Variants in CNTN6 observed in about 807,000 individuals in gnomAD.
CNTN6 encodes the protein contactin 6, also known as contactin-6.
CNTN6 carries 137 observed loss-of-function variants against 122.8 expected under a neutral mutation model. The ratio of observed to expected loss-of-function variants is 1.12; its 90% CI spans 0.97 to 1.29. The LOEUF (loss-of-function observed/expected upper bound fraction) is 1.29, where lower values mean the gene tolerates loss of function less well. CNTN6 is among the 50% of genes most tolerant of loss of function. The pLI is 0.00. For synonymous variants in CNTN6, 570 were observed against 426.0 expected (o/e 1.34, Z -4.16); for missense variants, 1,634 against 1,223.4 (o/e 1.34, Z -5.01).
chr3:1,356,433 G>A (rs1455681571), intron 12 of CNTN6, among the ~76,000 whole-genome samples: 1 of 151,744 alleles, frequency 6.6e-6, no homozygotes, highest in Non-Finnish European at 1.5e-5. Flanking sequence ...GCATTACAGA[G>A]TGGCCTATCC....
intron 1 of CNTN6, among the ~76,000 whole-genome samples, chr3:1,129,807 T>G (rs2092286616): frequency 6.6e-6 from 1 of 152,088 alleles, no homozygotes; most frequent in Non-Finnish European, 1.5e-5. Context: ...TCTATATATT[T>G]ATCAATAGTT....
At chr3:1,156,617 TTCTTTCTTTCTTTC>T (rs1220232097) in intron 2 of CNTN6, among the ~76,000 whole-genome samples, 3 of 151,386 alleles carry the variant, frequency 2.0e-5, no homozygotes, top group Admixed American at 6.6e-5. Flanking sequence ...TCTTTTTCTT[TTCTTTCTTTCTTTC>T]TCTTTCTTTC....
chr3:1,307,853 C>T (rs1310998111), intron 7 of CNTN6, among the ~76,000 whole-genome samples: 2 of 152,112 alleles, frequency 1.3e-5, no homozygotes, highest in Non-Finnish European at 2.9e-5. Context: ...ATTTTCATTA[C>T]ATATCAAGGT....
chr3:1,216,888 C>T (rs761352741), intron 2 of CNTN6, among the ~76,000 whole-genome samples: 4 of 152,170 alleles, frequency 2.6e-5, no homozygotes, highest in Non-Finnish European at 4.4e-5. Flanking sequence ...ATTTCTTGCT[C>T]TCTCTTAAGA....
chr3:1,266,257 C>G (rs1363733704), intron 4 of CNTN6, among the ~76,000 whole-genome samples: 2 of 152,138 alleles, frequency 1.3e-5, no homozygotes, highest in Non-Finnish European at 2.9e-5. Context: ...ACCTAATTCT[C>G]CTTAGTGCTG....
intron 4 of CNTN6, among the ~76,000 whole-genome samples, chr3:1,243,019 G>GA (rs1253323561): frequency 6.6e-6 from 1 of 152,028 alleles, no homozygotes; most frequent in Non-Finnish European, 1.5e-5. Flanking sequence ...CCCAAAGCTC[G>GA]GCGTCCGTGA....
chr3:1,250,328 C>G (rs1426210073), intron 4 of CNTN6, among the ~76,000 whole-genome samples: 2 of 152,170 alleles, frequency 1.3e-5, no homozygotes, highest in Non-Finnish European at 2.9e-5. Context: ...CATCTCACTT[C>G]TACCTGTGGT....
chr3:1,382,789 A>G (rs1280693592), intron 17 of CNTN6, among the ~76,000 whole-genome samples, 153 bp from the exon 18 acceptor site: 1 of 152,228 alleles, frequency 6.6e-6, no homozygotes, highest in Non-Finnish European at 1.5e-5. Flanking sequence ...TCTAATTGGC[A>G]TTCCAAATAA....
At chr3:1,304,057 C>A (rs2125901269) in intron 7 of CNTN6, among the ~76,000 whole-genome samples, 1 of 152,310 alleles carries the variant, frequency 6.6e-6, no homozygotes, top group Non-Finnish European at 1.5e-5. Flanking sequence ...TTCTTTCTAA[C>A]ACTGTGCTCT....
intron 7 of CNTN6, among the ~76,000 whole-genome samples, chr3:1,316,708 A>C (rs533376196): frequency 6.6e-6 from 1 of 151,314 alleles, no homozygotes; most frequent in African/African-American, 2.4e-5. Flanking sequence ...GTATTATACT[A>C]GTAAACCTTA....
intron 11 of CNTN6, 140 bp from the exon 12 acceptor site, chr3:1,352,184 A>G (rs1705744556): frequency 4.7e-6 from 3 of 638,762 alleles, no homozygotes; most frequent in Non-Finnish European, 7.3e-6. Flanking sequence ...CACAATGAAG[A>G]ACAGAATAAT....
rs1044542266 is a variant in CNTN6, at chr3:1,382,851, A to G, written c.2167-91A>G. 1.3e-5 allele frequency: 11 copies of G among 863,338 alleles called. No homozygotes were observed. The African/African-American group carries it at 1.4e-4, about 11-fold the overall frequency. The allele number at this position is 863,338 out of a possible 1,614,324, so 53.5% of individuals were successfully genotyped here. On this transcript the variant is annotated intron_variant, in intron 17 of 22. Coordinates refer to ENST00000446702, the MANE Select transcript of CNTN6 (RefSeq NM_001289080.2). ...AGAATAAATATCCATATTTGTCTCT[A>G]TGGAAGAAATGTGAAATAATCAATA...
intron 7 of CNTN6, among the ~76,000 whole-genome samples, chr3:1,316,353 T>C (rs1222718618): frequency 6.6e-6 from 1 of 151,644 alleles, no homozygotes; most frequent in Non-Finnish European, 1.5e-5. Context: ...ACAATCATGG[T>C]AGAAAGTGAA....
intron 8 of CNTN6, among the ~76,000 whole-genome samples, chr3:1,324,576 A>G (rs1701281021): frequency 6.7e-6 from 1 of 149,702 alleles, no homozygotes; most frequent in South Asian, 2.1e-4. Context: ...ATGACCATGG[A>G]TGGGAACTAA....
At chr3:1,253,623 C>T (rs74442996) in intron 4 of CNTN6, among the ~76,000 whole-genome samples, 4,831 of 152,178 alleles carry the variant, frequency 0.032, 239 homozygotes, top group African/African-American at 0.11. Flanking sequence ...GGTTGGAGGG[C>T]AGTGGTTTCA....
intron 4 of CNTN6, among the ~76,000 whole-genome samples, chr3:1,246,164 C>A (rs1011693904): frequency 2.0e-5 from 3 of 152,084 alleles, no homozygotes; most frequent in East Asian, 1.9e-4. Flanking sequence ...ATTTCCAACA[C>A]CCCCAGAAGG....
At chr3:1,154,373 G>C (rs889196643) in intron 2 of CNTN6, among the ~76,000 whole-genome samples, 4 of 151,796 alleles carry the variant, frequency 2.6e-5, no homozygotes, top group Non-Finnish European at 4.4e-5. Flanking sequence ...TCACTTTAAG[G>C]GTACTCAAAA....
At chr3:1,316,610 A>G (rs1216585079) in intron 7 of CNTN6, among the ~76,000 whole-genome samples, 2 of 151,880 alleles carry the variant, frequency 1.3e-5, no homozygotes, top group Non-Finnish European at 2.9e-5. Flanking sequence ...CACAGATCCA[A>G]ACTATGTAAA....
intron 11 of CNTN6, among the ~76,000 whole-genome samples, chr3:1,330,594 T>C (rs1702153263): frequency 6.6e-6 from 1 of 151,934 alleles, no homozygotes; most frequent in Non-Finnish European, 1.5e-5. Flanking sequence ...GCTGCTCTCT[T>C]TTAATGACTC....
Sources: gnomAD v4.1 joint callset for allele counts (sites outside exome capture counted in the v4.1 genomes callset) on GRCh38, gnomAD v4.1.1 for gene constraint, MANE v1.5 for transcripts, NCBI Gene and HGNC (gene_info 2026-07-23, HGNC 2026-07-21) for gene names.